The following RCN2 variants were observed in gnomAD, a reference collection of about 807,000 sequenced individuals.
The protein encoded by RCN2 is reticulocalbin-2.
Under a neutral mutation model 37.5 loss-of-function variants are expected in RCN2, and 23 were observed. That is an observed-to-expected ratio of 0.61 (90% CI 0.44 to 0.87). RCN2 has a LOEUF of 0.87. RCN2 is among the 40% of genes least tolerant of loss of function. The pLI, the probability that RCN2 is intolerant of heterozygous loss-of-function variation, is 0.00. For synonymous variants in RCN2, 140 were observed against 144.6 expected (o/e 0.97, Z 0.23); for missense variants, 381 against 390.4 (o/e 0.98, Z 0.20).
In RCN2 at chr15:76,953,599, T is replaced by A. The variant is rs1426482140; in HGVS notation, c.*4377T>A. 200 of 48,954 alleles carry A rather than the reference T, an allele frequency of 4.1e-3. No homozygotes were observed. The highest frequency in any genetic ancestry group is 0.012 in the South Asian group (13 of 1,100). The allele number at this position is 48,954 out of a possible 1,614,324, so 3.0% of individuals were successfully genotyped here. On this transcript the variant is annotated 3_prime_UTR_variant, in exon 7 of 7. Coordinates refer to ENST00000394885, the MANE Select transcript of RCN2 (RefSeq NM_002902.3). ...TATATATATATATATATATATTTTT[T>A]TTTTTTTTTTTTTTTTTTTTTTTTT... is the stretch of plus-strand genomic sequence containing the variant.
At position 76,947,338 on chromosome 15, in the gene RCN2, T is replaced by A. The variant is rs2152651734; in HGVS notation, c.562-83T>A. 3.9e-6 allele frequency: 3 copies of A among 775,216 alleles called. No homozygotes were observed. In the South Asian group the frequency reaches 5.2e-5, roughly 14 times the overall value. 48.0% of individuals were successfully genotyped at this position (775,216 alleles called of 1,614,324 possible). ...AAATTATCATTTATTTCTAAAGAAG[T>A]TCTGTAGTAGAATTGAATCGGATGG... On this transcript the variant is annotated intron_variant, in intron 4 of 6. Coordinates refer to ENST00000394885, the MANE Select transcript of RCN2 (RefSeq NM_002902.3).
intron 2 of RCN2, among the ~76,000 whole-genome samples, chr15:76,934,332 C>T (rs2011166): frequency 0.096 from 14,491 of 151,720 alleles, 868 homozygotes; most frequent in African/African-American, 0.17. Flanking sequence ...TTAGTAGAGA[C>T]GGGGTTTTAC....
chr15:76,941,627 A>T, intron 3 of RCN2: 2 of 1,453,742 alleles, frequency 1.4e-6, no homozygotes, highest in African/African-American at 1.4e-5. Context: ...CTTTTTTGTT[A>T]TTTTTTTAGG....
At chr15:76,938,464 G>A (rs1208450441) in intron 3 of RCN2, among the ~76,000 whole-genome samples, 4 of 152,162 alleles carry the variant, frequency 2.6e-5, no homozygotes, top group Non-Finnish European at 5.9e-5. Context: ...ATGGAGGGAG[G>A]AGTGCATAAC....
chr15:76,941,988 C>A, intron 3 of RCN2: 1 of 235,924 alleles, frequency 4.2e-6, no homozygotes, highest in Non-Finnish European at 8.1e-6. Context: ...CTGCTTTTAC[C>A]ATGTTAAACC....
At chr15:76,932,508 A>C (rs745588542) in intron 2 of RCN2, 42 bp downstream of exon 2, 26 of 1,342,656 alleles carry the variant, frequency 1.9e-5, no homozygotes, top group Non-Finnish European at 5.3e-6. Flanking sequence ...GACAAACACA[A>C]ATATGTTAAG....
intron 1 of RCN2, 45 bp downstream of exon 1, chr15:76,932,030 C>T: frequency 4.0e-6 from 5 of 1,235,706 alleles, no homozygotes; most frequent in Non-Finnish European, 4.0e-6. Context: ...CCTCGCACCG[C>T]GGCTGCCGCG....
chr15:76,954,291 A>G lies in RCN2; in HGVS notation c.*5069A>G, dbSNP rs2075339522. On this transcript the variant is annotated 3_prime_UTR_variant, in exon 7 of 7. Transcript: ENST00000394885. ...AACTTACACTTTTTCACTTAGGAAG[A>G]TGATTTAGGAAAGCCACTTAGAGTA... The G allele has an allele frequency of 6.6e-6, 1 of 152,134 alleles. No individual in the cohort carries two copies. Among genetic ancestry groups the G allele is most frequent in the Non-Finnish European group, 1.5e-5 (1 of 68,030 alleles). The allele number at this position is 152,134 out of a possible 1,614,324, so 9.4% of individuals were successfully genotyped here. A position where few individuals can be genotyped will look rare whatever the true frequency, so the allele number is the denominator to read the frequency against.
At position 76,935,093 on chromosome 15, in the gene RCN2, G is replaced by A. The variant is rs184313401; in HGVS notation, c.251-433G>A. Among the ~76,000 whole-genome samples, 34 of 152,302 alleles carry A rather than the reference G, an allele frequency of 2.2e-4. No homozygotes were observed. In the East Asian group the frequency reaches 6.0e-3, roughly 27 times the overall value. ...TAATCCCAGCAGTTTGGGAGGCCGAGGCAGGTGGATCACGAGGTCAGGAGT... is the reference window on the plus strand; with the variant it reads ...TAATCCCAGCAGTTTGGGAGGCCGAAGCAGGTGGATCACGAGGTCAGGAGT... On this transcript the variant is annotated intron_variant, in intron 2 of 6. Transcript: ENST00000394885.
chr15:76,953,639 GCT>G lies in RCN2; in HGVS notation c.*4420_*4421del, dbSNP rs1483723517. ...TTTTTTTTTTTTGAGACGGAGTCTC[GCT>G]CTGTCGCCCAGGCTGGAGTGCAGTG... On this transcript the variant is annotated 3_prime_UTR_variant, in exon 7 of 7. Coordinates refer to ENST00000394885, the MANE Select transcript of RCN2 (RefSeq NM_002902.3). The G allele has an allele frequency of 2.0e-5, 2 of 99,256 alleles. No individual in the cohort carries two copies. The highest frequency in any genetic ancestry group is 8.0e-5 in the African/African-American group (2 of 24,878). 6.1% of individuals were successfully genotyped at this position (99,256 alleles called of 1,614,324 possible). A position where few individuals can be genotyped will look rare whatever the true frequency, so the allele number is the denominator to read the frequency against.
Position 76,948,552 on chromosome 15 carries a change from GGTAA to G in RCN2, c.801+3_801+6del. On this transcript the variant is annotated splice_donor_variant and splice_donor_region_variant and intron_variant, in intron 6 of 6. Coordinates refer to ENST00000394885, the MANE Select transcript of RCN2 (RefSeq NM_002902.3). The stretch of plus-strand genomic sequence containing the variant: ...ATAATCAGGGCATTGCACAAGAGGA[GGTAA>G]GTGTTACAGAACAACTGTTTCTCTC... 1.3e-6 allele frequency: 2 copies of G among 1,559,444 alleles called. No homozygotes were observed. The highest frequency in any genetic ancestry group is 1.2e-5 in the South Asian group (1 of 83,398).
chr15:76,935,374 A>G (rs2075242590), intron 2 of RCN2, 152 bp from the exon 3 acceptor site: 5 of 601,938 alleles, frequency 8.3e-6, no homozygotes, highest in South Asian at 6.0e-5. Flanking sequence ...AGCCTTTCCC[A>G]CTTCCTACCC....
chr15:76,938,613 C>G (rs2075263080), intron 3 of RCN2: 1 of 416,520 alleles, frequency 2.4e-6, no homozygotes, highest in Non-Finnish European at 5.1e-6. Context: ...ACCCCATTCC[C>G]TCCTTGGTAA....
rs566700531 is a variant in RCN2, at chr15:76,945,687, C to T, written c.562-1734C>T. ...GCCTCCAGCTACGTGGCTTGGTTCC[C>T]TGGATATTTCAAAGAAGGAAGATAT... On this transcript the variant is annotated intron_variant, in intron 4 of 6. Transcript: ENST00000394885. 2.6e-5 allele frequency among the ~76,000 whole-genome samples: 4 copies of T among 152,286 alleles called. No homozygotes were observed. The East Asian group carries it at 7.7e-4, about 29-fold the overall frequency.
intron 3 of RCN2, chr15:76,942,027 A>C (rs1404239427): frequency 1.1e-5 from 2 of 178,592 alleles, no homozygotes; most frequent in Admixed American, 6.2e-5. Context: ...TATTTGGTCT[A>C]GTTATTTAAA....
In RCN2 at chr15:76,949,601, G is replaced by T. The variant is rs753397331; in HGVS notation, c.*379G>T. The T allele has an allele frequency of 1.3e-5, 2 of 154,186 alleles. No individual in the cohort carries two copies. The highest frequency in any genetic ancestry group is 2.9e-5 in the Non-Finnish European group (2 of 69,222). 9.6% of individuals were successfully genotyped at this position (154,186 alleles called of 1,614,324 possible). On this transcript the variant is annotated 3_prime_UTR_variant, in exon 7 of 7. Transcript: ENST00000394885. ...GACCGAGCTATAAATTTTTGTTTTTGTTCTAAGTAGATTTAATTTGGGAAC... is the reference window on the plus strand; with the variant it reads ...GACCGAGCTATAAATTTTTGTTTTTTTTCTAAGTAGATTTAATTTGGGAAC...
chr15:76,947,453 T>C lies in RCN2; in HGVS notation c.594T>C (p.His198=). Residue 198 remains histidine, a synonymous_variant, in exon 5 of 7, where the codon CAT becomes CAC. Coordinates refer to ENST00000394885, the MANE Select transcript of RCN2 (RefSeq NM_002902.3). The stretch of plus-strand genomic sequence containing the variant: ...TCATTCAAGAAGCTTTAGAAGAACA[T>C]GACAAAAATGGTGATGGATTTGTTA... The part of the protein sequence containing the change: ...EFVIQEALEE[H]DKNGDGFVSL... 1 of 1,607,274 alleles carries C rather than the reference T, an allele frequency of 6.2e-7. No homozygotes were observed.
chr15:76,938,796 T>C, intron 3 of RCN2: 1 of 455,180 alleles, frequency 2.2e-6, no homozygotes, highest in Non-Finnish European at 4.4e-6. Context: ...CTCCAGCACT[T>C]CACGGTTGTG....
Position 76,931,870 on chromosome 15 carries a change from T to G in RCN2, c.29T>G (p.Leu10Trp). The change falls in exon 1 of 7, where the codon TTG becomes TGG. Residue 10 changes from leucine (L) to tryptophan (W), a missense_variant. Transcript: ENST00000394885. MRLGPRTAA[L>W]GLLLLCAAAA... is the part of the protein sequence containing the mutation. The stretch of plus-strand genomic sequence containing the variant: ...CGGCTGGGCCCGAGGACCGCGGCGT[T>G]GGGGCTGCTGCTGCTGTGCGCCGCC... 1 of 1,299,474 alleles carries G rather than the reference T, an allele frequency of 7.7e-7. No homozygotes were observed. Among genetic ancestry groups the G allele is most frequent in the South Asian group, 2.1e-5 (1 of 47,628 alleles). 80.5% of individuals were successfully genotyped at this position (1,299,474 alleles called of 1,614,324 possible). A position where few individuals can be genotyped will look rare whatever the true frequency, so the allele number is the denominator to read the frequency against.
Sources: allele counts gnomAD v4.1 joint callset (sites outside exome capture counted in the v4.1 genomes callset), GRCh38; gene constraint gnomAD v4.1.1; transcripts MANE v1.5; gene names NCBI Gene and HGNC (gene_info 2026-07-23, HGNC 2026-07-21).